Variants in PCDHGA5 observed in about 807,000 individuals in gnomAD.
The protein encoded by PCDHGA5 is protocadherin gamma subfamily A, 5.
In PCDHGA5, 36 loss-of-function variants were observed where a neutral mutation model predicts 56.7. That is an observed-to-expected ratio of 0.64 (90% CI 0.49 to 0.84). The LOEUF (loss-of-function observed/expected upper bound fraction) is 0.84, where lower values mean the gene tolerates loss of function less well. PCDHGA5 is among the 40% of genes least tolerant of loss of function. The pLI, the probability that PCDHGA5 is intolerant of heterozygous loss-of-function variation, is 0.00. For synonymous variants in PCDHGA5, 563 were observed against 520.2 expected, an observed-to-expected ratio of 1.08 and a Z score of -1.12; for missense variants, 1,305 against 1,201.5, an observed-to-expected ratio of 1.09 and a Z score of -1.27.
intron 1 of PCDHGA5, chr5:141,419,733 AGGTGCGCATGGTGCGTGCTTTG>A (rs763538035): frequency 1.1e-5 from 18 of 1,613,646 alleles, no homozygotes; most frequent in Non-Finnish European, 1.4e-5. Context: ...CGAACAGGCG[AGGTGCGCATGGTGCGTGCTTTG>A]GGTGACAAGG....
intron 1 of PCDHGA5, chr5:141,413,946 G>A: frequency 6.2e-7 from 1 of 1,613,414 alleles, no homozygotes; most frequent in Non-Finnish European, 8.5e-7. Flanking sequence ...GTGTTCCTGA[G>A]AATTTGCCTG....
Position 141,371,960 on chromosome 5 carries a change from C to A in PCDHGA5, c.2421+5209C>A, listed in dbSNP as rs771450244. On this transcript the variant is annotated intron_variant, in intron 1 of 3. Transcript: ENST00000518069. ...TGTTCGCGCAGCGAGCCTTCGACCACGAGCAGCTGCGTGCCTTCGAGCTCA... is the reference window on the plus strand; with the variant it reads ...TGTTCGCGCAGCGAGCCTTCGACCAAGAGCAGCTGCGTGCCTTCGAGCTCA... 1.9e-6 allele frequency: 3 copies of A among 1,613,142 alleles called. No homozygotes were observed. The African/African-American group carries it at 4.0e-5, about 22-fold the overall frequency.
At chr5:141,500,438 T>C (rs977844035) in intron 2 of PCDHGA5, among the ~76,000 whole-genome samples, 2 of 151,816 alleles carry the variant, frequency 1.3e-5, no homozygotes, top group African/African-American at 4.8e-5. Flanking sequence ...CTCGATCTCC[T>C]GACCTCGTGA....
rs112156044 is a variant in PCDHGA5, at chr5:141,476,771, G to T, written c.2422-18036G>T. ...CCAGTTAGTGCTGACGGCGTTGGAC[G>T]GAGGGACCCCAGCTCTCTCCGCCAG... On this transcript the variant is annotated intron_variant, in intron 1 of 3. Coordinates refer to ENST00000518069, the MANE Select transcript of PCDHGA5 (RefSeq NM_018918.3). The surrounding 1 kb of genome is among the most constrained non-coding windows in gnomAD (Gnocchi z 7.6). The T allele has an allele frequency of 6.2e-7, 1 of 1,613,700 alleles. No homozygotes were observed. The highest frequency in any genetic ancestry group is 1.1e-5 in the South Asian group (1 of 91,084).
intron 1 of PCDHGA5, chr5:141,374,357 C>A: frequency 6.2e-7 from 1 of 1,614,018 alleles, no homozygotes; most frequent in Non-Finnish European, 8.5e-7. Flanking sequence ...TAGGATAGAC[C>A]GCGAGGAGCT....
intron 1 of PCDHGA5, chr5:141,427,495 C>T: frequency 1.8e-6 from 1 of 562,648 alleles, no homozygotes; most frequent in South Asian, 1.5e-5. Flanking sequence ...AAGCTTGTAA[C>T]AGATGGGACC....
At chr5:141,408,274 G>T (rs773254664) in intron 1 of PCDHGA5, 2 of 1,611,590 alleles carry the variant, frequency 1.2e-6, no homozygotes, top group Non-Finnish European at 1.7e-6. Flanking sequence ...TGCTGCCTTT[G>T]TTCTACCCCA....
Position 141,431,724 on chromosome 5 carries a change from T to C in PCDHGA5, c.2422-63083T>C, listed in dbSNP as rs758754345. The C allele has an allele frequency of 6.2e-7, 1 of 1,614,036 alleles. No individual in the cohort carries two copies. Among genetic ancestry groups the C allele is most frequent in the Non-Finnish European group, 8.5e-7 (1 of 1,180,036 alleles). On this transcript the variant is annotated intron_variant, in intron 1 of 3. Coordinates refer to ENST00000518069, the MANE Select transcript of PCDHGA5 (RefSeq NM_018918.3). This position sits in a 1 kb window ranked among gnomAD's most constrained non-coding sequence, Gnocchi z 4.8. The stretch of plus-strand genomic sequence containing the variant: ...TTCTACCAGATGGAAGTGCAAGCAA[T>C]GGATAATGCAGGATATTCTGCGCGA...
intron 1 of PCDHGA5, chr5:141,392,964 G>C (rs772870041): frequency 1.4e-5 from 23 of 1,613,902 alleles, no homozygotes; most frequent in Non-Finnish European, 1.9e-5. Flanking sequence ...TATCTCCAAG[G>C]ACCTGGGGCT....
At chr5:141,387,237 G>A (rs1273049599) in intron 1 of PCDHGA5, among the ~76,000 whole-genome samples, 2 of 152,168 alleles carry the variant, frequency 1.3e-5, no homozygotes, top group African/African-American at 4.8e-5. Flanking sequence ...AAATCAACTT[G>A]GAGGTACTTA....
intron 1 of PCDHGA5, chr5:141,433,179 T>C (rs760574214): frequency 1.2e-5 from 20 of 1,608,614 alleles, no homozygotes; most frequent in Admixed American, 1.7e-5. Flanking sequence ...CATGGGTTAA[T>C]TGAGGTGAGT....
rs548002755 is a variant in PCDHGA5, at chr5:141,409,062, G to A, written c.2421+42311G>A. On this transcript the variant is annotated intron_variant, in intron 1 of 3. Coordinates refer to ENST00000518069, the MANE Select transcript of PCDHGA5 (RefSeq NM_018918.3). ...TACTACTTCCGAAGCACTGCCCAGAGCACAAAACATATGTTCTCATTGGAT... is the reference window on the plus strand; with the variant it reads ...TACTACTTCCGAAGCACTGCCCAGAACACAAAACATATGTTCTCATTGGAT... The A allele has an allele frequency of 3.1e-6, 5 of 1,614,000 alleles. No homozygotes were observed. The South Asian group carries it at 4.4e-5, about 14-fold the overall frequency.
intron 1 of PCDHGA5, chr5:141,426,748 C>T: frequency 2.2e-6 from 1 of 455,172 alleles, no homozygotes; most frequent in African/African-American, 2.0e-5. Context: ...GGCCTGGAAT[C>T]TGCTATAGAT....
chr5:141,394,444 G>A (rs2093001580), intron 1 of PCDHGA5: 1 of 1,614,228 alleles, frequency 6.2e-7, no homozygotes, highest in Non-Finnish European at 8.5e-7. Context: ...CCCCTCAGCA[G>A]CAACATGTCA....
At chr5:141,447,284 C>A (rs979564320) in intron 1 of PCDHGA5, among the ~76,000 whole-genome samples, 1 of 152,124 alleles carries the variant, frequency 6.6e-6, no homozygotes, top group African/African-American at 2.4e-5. Context: ...GGACTACAGG[C>A]ACATGCCACC....
chr5:141,418,324 G>A, intron 1 of PCDHGA5: 2 of 1,614,006 alleles, frequency 1.2e-6, no homozygotes, highest in Non-Finnish European at 1.7e-6. Context: ...CAATTCTTGA[G>A]TCTGCAGAAG....
At position 141,511,482 on chromosome 5, in the gene PCDHGA5, C is replaced by A. The variant is rs761434245; in HGVS notation, c.*309C>A. ...CACACCCCGTTTAGTTACAGCTGAA[C>A]TCCTCCATCTTCCAAATCAATCAGG... On this transcript the variant is annotated 3_prime_UTR_variant, in exon 4 of 4. Coordinates refer to ENST00000518069, the MANE Select transcript of PCDHGA5 (RefSeq NM_018918.3). The A allele has an allele frequency of 2.4e-4, 113 of 464,462 alleles. No homozygotes were observed. Among genetic ancestry groups the A allele is most frequent in the Non-Finnish European group, 4.0e-4 (105 of 260,154 alleles). The allele number at this position is 464,462 out of a possible 1,614,324, so 28.8% of individuals were successfully genotyped here. A position where few individuals can be genotyped will look rare whatever the true frequency, so the allele number is the denominator to read the frequency against.
intron 1 of PCDHGA5, chr5:141,399,634 A>C: frequency 6.2e-7 from 1 of 1,613,860 alleles, no homozygotes; most frequent in East Asian, 2.2e-5. Context: ...TTACGTGTCC[A>C]TGAGCGCGCA....
rs373636717 is a variant in PCDHGA5, at chr5:141,366,570, G to C, written c.2240G>C (p.Arg747Pro). The C allele has an allele frequency of 1.9e-6, 3 of 1,614,218 alleles. No individual in the cohort carries two copies. Among genetic ancestry groups the C allele is most frequent in the Admixed American group, 3.3e-5 (2 of 60,034 alleles). ...ASHFVGVDGV[R>P]AFLQTYSHEV... ...CACTTTGTGGGCGTGGATGGGGTTCGGGCTTTCCTGCAGACCTATTCCCAC... is the reference window on the plus strand; with the variant it reads ...CACTTTGTGGGCGTGGATGGGGTTCCGGCTTTCCTGCAGACCTATTCCCAC... Residue 747 changes from arginine to proline, a missense_variant, in exon 1 of 4, where the codon CGG becomes CCG. By Grantham distance (103) the Arg-to-Pro change is moderately radical (BLOSUM62 -2). Transcript: ENST00000518069.
Sources: allele counts gnomAD v4.1 joint callset (sites outside exome capture counted in the v4.1 genomes callset), GRCh38; gene constraint gnomAD v4.1.1; non-coding constraint Gnocchi (gnomAD v3.1); transcripts MANE v1.5; gene names NCBI Gene and HGNC (gene_info 2026-07-23, HGNC 2026-07-21).